Variants in PLAAT3 observed in about 807,000 individuals in gnomAD.
The protein encoded by PLAAT3 is Ca-independent phospholipase A1/2.
PLAAT3 carries 21 observed loss-of-function variants against 16.7 expected under a neutral mutation model. The ratio of observed to expected loss-of-function variants is 1.26; its 90% CI spans 0.89 to 1.81. The LOEUF (loss-of-function observed/expected upper bound fraction) is 1.81. PLAAT3 is among the 40% of genes most tolerant of loss of function. The pLI is 0.00. For synonymous variants in PLAAT3, 76 were observed against 81.7 expected, an observed-to-expected ratio of 0.93 and a Z score of 0.38; for missense variants, 219 against 213.7, an observed-to-expected ratio of 1.02 and a Z score of -0.16.
At chr11:63,588,621 A>G (rs913226664) in intron 4 of PLAAT3, among the ~76,000 whole-genome samples, 3 of 152,198 alleles carry the variant, frequency 2.0e-5, no homozygotes, top group Admixed American at 1.3e-4. Flanking sequence ...ACAGACTGCA[A>G]TCTTCACAAA....
chr11:63,579,778 T>C (rs1937745595), intron 4 of PLAAT3, among the ~76,000 whole-genome samples: 1 of 144,964 alleles, frequency 6.9e-6, no homozygotes, highest in Non-Finnish European at 1.5e-5. Context: ...TGTTAAATGA[T>C]GAGTTAATGG....
chr11:63,611,262 C>T (rs1328786024), intron 2 of PLAAT3, among the ~76,000 whole-genome samples: 2 of 152,086 alleles, frequency 1.3e-5, no homozygotes, highest in Admixed American at 6.6e-5. Flanking sequence ...ATGAACCACA[C>T]GTCTGGCCCA....
chr11:63,593,358 G>A (rs1223673073), intron 3 of PLAAT3, among the ~76,000 whole-genome samples: 2 of 152,218 alleles, frequency 1.3e-5, no homozygotes, highest in Non-Finnish European at 2.9e-5. Context: ...CTTGAATGAT[G>A]AAGCATCTAG....
rs11547753 is a variant in PLAAT3, at chr11:63,614,153, G to A, written c.-54-85C>T. 6.1e-6 allele frequency: 7 copies of A among 1,150,918 alleles called. No individual in the cohort carries two copies. The African/African-American group carries it at 9.2e-5, about 15-fold the overall frequency. 71.3% of individuals were successfully genotyped at this position (1,150,918 alleles called of 1,614,324 possible). ...ACGGGACTGCGGCTTCTGTTGGGCA[G>A]GGCGTGAGAGGCGCGCCTCGGACCC... is the stretch of plus-strand genomic sequence containing the variant. On this transcript the variant is annotated intron_variant, in intron 1 of 4. Coordinates refer to ENST00000415826, the MANE Select transcript of PLAAT3 (RefSeq NM_001128203.2).
At chr11:63,605,713 G>A (rs376653345) in intron 2 of PLAAT3, among the ~76,000 whole-genome samples, 2 of 151,560 alleles carry the variant, frequency 1.3e-5, no homozygotes, top group African/African-American at 4.8e-5. Flanking sequence ...CCACCATGCC[G>A]GGCTAATTTT....
intron 4 of PLAAT3, among the ~76,000 whole-genome samples, chr11:63,580,221 AATAACTGGTAGGCAGAATG>A (rs933512603): frequency 6.6e-6 from 1 of 152,212 alleles, no homozygotes; most frequent in African/African-American, 2.4e-5. Context: ...AGGTGTAAAG[AATAACTGGTAGGCAGAATG>A]ATAAGCCCCA....
chr11:63,592,307 C>T (rs1938172611), intron 3 of PLAAT3, among the ~76,000 whole-genome samples: 1 of 152,162 alleles, frequency 6.6e-6, no homozygotes, highest in Non-Finnish European at 1.5e-5. Flanking sequence ...GCTGGGACTA[C>T]AGGTGTGCAC....
intron 4 of PLAAT3, among the ~76,000 whole-genome samples, chr11:63,576,728 A>G (rs1259700321): frequency 6.6e-6 from 1 of 152,268 alleles, no homozygotes; most frequent in Non-Finnish European, 1.5e-5. Flanking sequence ...AGTAACAAGG[A>G]AAACATAGGT....
intron 2 of PLAAT3, among the ~76,000 whole-genome samples, chr11:63,603,910 G>A (rs1022460939): frequency 6.6e-6 from 1 of 152,232 alleles, no homozygotes; most frequent in Non-Finnish European, 1.5e-5. Flanking sequence ...CCAGCACTTT[G>A]GGAGGCCAAG....
intron 2 of PLAAT3, chr11:63,598,652 C>T (rs1357570386): frequency 3.9e-6 from 2 of 515,998 alleles, no homozygotes; most frequent in Non-Finnish European, 7.7e-6. Flanking sequence ...TGATTCCCAG[C>T]CCAGTCTGAC....
At chr11:63,584,632 G>T (rs1021014653) in intron 4 of PLAAT3, among the ~76,000 whole-genome samples, 5 of 151,126 alleles carry the variant, frequency 3.3e-5, no homozygotes, top group Admixed American at 6.6e-5. Flanking sequence ...TCCTGCCTCA[G>T]CCTCCCAAGT....
intron 4 of PLAAT3, among the ~76,000 whole-genome samples, chr11:63,577,148 A>G (rs1292731195): frequency 6.6e-6 from 1 of 151,212 alleles, no homozygotes; most frequent in Non-Finnish European, 1.5e-5. Flanking sequence ...TCAACTGAAC[A>G]TGATGGTTGG....
chr11:63,612,664 A>G (rs1475252199), intron 2 of PLAAT3, among the ~76,000 whole-genome samples: 3 of 152,248 alleles, frequency 2.0e-5, no homozygotes, highest in South Asian at 2.1e-4. Flanking sequence ...TAGTGTTACT[A>G]TTATTCATCT....
At chr11:63,616,774 G>A (rs978416081), upstream of PLAAT3, 9 of 151,998 alleles carry the variant, frequency 5.9e-5, no homozygotes, top group African/African-American at 2.2e-4. Context: ...ACGAGGTCAG[G>A]AGATCGAGAC....
At chr11:63,577,507 A>G (rs1275293240) in intron 4 of PLAAT3, among the ~76,000 whole-genome samples, 2 of 152,026 alleles carry the variant, frequency 1.3e-5, no homozygotes, top group East Asian at 1.9e-4. Context: ...TACAACCAAC[A>G]CACCAAACAT....
At chr11:63,610,420 C>T (rs1186100282) in intron 2 of PLAAT3, among the ~76,000 whole-genome samples, 1 of 152,208 alleles carries the variant, frequency 6.6e-6, no homozygotes, top group Non-Finnish European at 1.5e-5. Context: ...GCCAGCATTC[C>T]AAGGACCAGA....
upstream of PLAAT3, among the ~76,000 whole-genome samples, chr11:63,615,096 ATGTGTATATATG>A (rs1450403192): frequency 4.2e-5 from 5 of 119,320 alleles, 1 homozygote; most frequent in African/African-American, 1.5e-4. Context: ...ATGTGTATAT[ATGTGTATATATG>A]TGTGTATATA....
At chr11:63,589,450 G>A (rs1268314825) in intron 4 of PLAAT3, among the ~76,000 whole-genome samples, 1 of 150,700 alleles carries the variant, frequency 6.6e-6, no homozygotes, top group Non-Finnish European at 1.5e-5. Flanking sequence ...GGCTGAAAGG[G>A]AGGGGGAAGA....
intron 2 of PLAAT3, among the ~76,000 whole-genome samples, chr11:63,598,941 G>A (rs1033664925): frequency 1.3e-5 from 2 of 152,208 alleles, no homozygotes; most frequent in Non-Finnish European, 2.9e-5. Context: ...GGAAGGTAGG[G>A]AGGGTGCAGT....
Sources: gnomAD v4.1 joint callset for allele counts (sites outside exome capture counted in the v4.1 genomes callset) on GRCh38, gnomAD v4.1.1 for gene constraint, MANE v1.5 for transcripts, NCBI Gene and HGNC (gene_info 2026-07-23, HGNC 2026-07-21) for gene names.